Variants in ZNF710 observed in about 807,000 individuals in gnomAD.
The protein encoded by ZNF710 is zinc finger protein 710.
ZNF710 carries 13 observed loss-of-function variants against 50.6 expected under a neutral mutation model. The ratio of observed to expected loss-of-function variants is 0.26; its 90% CI spans 0.17 to 0.41. The LOEUF (loss-of-function observed/expected upper bound fraction) is 0.41. ZNF710 is among the 10% of genes least tolerant of loss of function. ZNF710 has a pLI of 1.00. For missense variants in ZNF710, 721 were observed against 936.6 expected (o/e 0.77, Z 3.01); for synonymous variants, 383 against 397.0 (o/e 0.96, Z 0.42).
chr15:90,061,901 T>A (rs552178842), intron 1 of ZNF710, among the ~76,000 whole-genome samples: 33 of 152,258 alleles, frequency 2.2e-4, no homozygotes, highest in Non-Finnish European at 4.0e-4. Flanking sequence ...GGCAAAGCCG[T>A]AGGTGAAGTC....
At chr15:90,041,892 ATTTTTTTTTT>A (rs71151548) in intron 1 of ZNF710, among the ~76,000 whole-genome samples, 3 of 110,566 alleles carry the variant, frequency 2.7e-5, no homozygotes, top group African/African-American at 1.0e-4. Flanking sequence ...TTTGTTTTTG[ATTTTTTTTTT>A]TTTTTTTTTT....
At position 90,067,088 on chromosome 15, in the gene ZNF710, A is replaced by G; in HGVS notation, c.-28-22A>G. ...GTGCAGGAGTGAGCCAGCAATATTA[A>G]CCTTCCCTTCTCCACCCACAGCGAT... On this transcript the variant is annotated intron_variant, in intron 1 of 4. Transcript: ENST00000268154. The surrounding 1 kb of genome is among the most constrained non-coding windows in gnomAD (Gnocchi z 8.1). 6.5e-7 allele frequency: 1 copy of G among 1,539,844 alleles called. No homozygotes were observed. The highest frequency in any genetic ancestry group is 8.7e-7 in the Non-Finnish European group (1 of 1,143,422).
intron 1 of ZNF710, among the ~76,000 whole-genome samples, chr15:90,007,378 C>T (rs568488343): frequency 3.3e-5 from 5 of 152,130 alleles, no homozygotes; most frequent in East Asian, 3.9e-4. Flanking sequence ...GAAGACCAGA[C>T]GGTTGAAATC....
chr15:90,030,672 C>T (rs1325123195), intron 1 of ZNF710, among the ~76,000 whole-genome samples: 1 of 151,580 alleles, frequency 6.6e-6, no homozygotes, highest in Non-Finnish European at 1.5e-5. Context: ...CACATATGCC[C>T]AGTAGGAAAG....
chr15:90,009,359 C>T (rs922761551), intron 1 of ZNF710, among the ~76,000 whole-genome samples: 6 of 152,058 alleles, frequency 3.9e-5, no homozygotes, highest in Non-Finnish European at 7.4e-5. Flanking sequence ...GTCCGATCCT[C>T]GGGCCCTGGG....
intron 1 of ZNF710, among the ~76,000 whole-genome samples, chr15:90,003,260 T>C (rs1415356037): frequency 6.6e-6 from 1 of 152,192 alleles, no homozygotes; most frequent in Non-Finnish European, 1.5e-5. Flanking sequence ...AGTGCCCACC[T>C]GCAAAGGGCA....
intron 1 of ZNF710, among the ~76,000 whole-genome samples, chr15:90,057,099 C>T (rs1419796155): frequency 6.6e-6 from 1 of 152,116 alleles, no homozygotes; most frequent in Non-Finnish European, 1.5e-5. Context: ...TTTGTGTGTT[C>T]TTTGCACATC....
In ZNF710 at chr15:90,062,836, G is replaced by GCA. The variant is rs1404365506; in HGVS notation, c.-28-4273_-28-4272insAC. 4.4e-4 allele frequency among the ~76,000 whole-genome samples: 67 copies of GCA among 152,146 alleles called. No homozygotes were observed. Among genetic ancestry groups the GCA allele is most frequent in the African/African-American group, 1.5e-3 (63 of 41,498 alleles). On this transcript the variant is annotated intron_variant, in intron 1 of 4. Transcript: ENST00000268154. This position sits in a 1 kb window ranked among gnomAD's most constrained non-coding sequence, Gnocchi z 5.6. Reference sequence around the variant, plus strand: ...CAGAGCCCCTTCTGCATACACACACGCGCGCACGCGCACACACACACAGCC... The same window carrying GCA: ...CAGAGCCCCTTCTGCATACACACACGCACGCGCACGCGCACACACACACAGCC...
chr15:90,066,869 G>A (rs1284917909), intron 1 of ZNF710, among the ~76,000 whole-genome samples: 1 of 152,146 alleles, frequency 6.6e-6, no homozygotes, highest in Non-Finnish European at 1.5e-5. Context: ...GAAGACTGAG[G>A]CCAGCAAGGG....
chr15:90,074,843 C>T (rs1482243373), intron 4 of ZNF710: 3 of 293,912 alleles, frequency 1.0e-5, no homozygotes, highest in African/African-American at 2.3e-5. Context: ...AAGGGACATG[C>T]AGAGGGGAGA....
chr15:90,053,142 A>C (rs559089863), intron 1 of ZNF710, among the ~76,000 whole-genome samples: 1 of 152,304 alleles, frequency 6.6e-6, no homozygotes, highest in South Asian at 2.1e-4. Context: ...ACTCAGAGGC[A>C]ATTTAGAAAC....
intron 2 of ZNF710, among the ~76,000 whole-genome samples, chr15:90,070,357 T>A (rs537028900): frequency 6.6e-6 from 1 of 151,382 alleles, no homozygotes; most frequent in South Asian, 2.1e-4. Flanking sequence ...CAAGACATTT[T>A]TTTTTTTTTA....
At chr15:90,038,744 A>T (rs1300003140) in intron 1 of ZNF710, among the ~76,000 whole-genome samples, 1 of 73,918 alleles carries the variant, frequency 1.4e-5, no homozygotes, top group Non-Finnish European at 2.3e-5. Flanking sequence ...TGTGTGTGAG[A>T]CATTGGCTTT....
At chr15:90,000,865 G>A (rs992178128), upstream of ZNF710, among the ~76,000 whole-genome samples, 6 of 152,098 alleles carry the variant, frequency 3.9e-5, no homozygotes, top group African/African-American at 1.4e-4. Flanking sequence ...CCTTGGGGGG[G>A]GCGGGGCGCA....
chr15:90,075,136 C>CTCA (rs1900550195), intron 4 of ZNF710: 1 of 153,242 alleles, frequency 6.5e-6, no homozygotes, highest in Admixed American at 6.5e-5. Context: ...CCTCTCTGGC[C>CTCA]TCATGGTGGG....
In ZNF710 at chr15:90,068,091, C is replaced by T. The variant is rs141277401; in HGVS notation, c.954C>T (p.Asn318=). The change falls in exon 2 of 5, where the codon AAC becomes AAT. Residue 318 remains asparagine (N), a synonymous_variant. Transcript: ENST00000268154. The surrounding 1 kb of genome is among the most constrained non-coding windows in gnomAD (Gnocchi z 5.0). ...TGGTGACGCACATCCTGGGCCACAA[C>T]GGCATCAAGCCACACTCGTGCCCAC... ...YNLVTHILGH[N]GIKPHSCPHC... 3.5e-5 allele frequency: 56 copies of T among 1,614,152 alleles called. No homozygotes were observed. The highest frequency in any genetic ancestry group is 3.2e-4 in the African/African-American group (24 of 74,962).
intron 1 of ZNF710, among the ~76,000 whole-genome samples, chr15:90,036,862 C>G (rs968876644): frequency 2.6e-5 from 4 of 152,234 alleles, no homozygotes; most frequent in Non-Finnish European, 4.4e-5. Context: ...GTGACCCCAT[C>G]TCCAGCCACT....
chr15:90,077,150 C>G (rs1292663586), intron 4 of ZNF710, among the ~76,000 whole-genome samples: 1 of 151,476 alleles, frequency 6.6e-6, no homozygotes, highest in Non-Finnish European at 1.5e-5. Context: ...ACAGACTATT[C>G]TCTGGGGCCC....
At chr15:90,036,995 T>C (rs1899148705) in intron 1 of ZNF710, among the ~76,000 whole-genome samples, 2 of 151,984 alleles carry the variant, frequency 1.3e-5, no homozygotes, top group Non-Finnish European at 1.5e-5. Flanking sequence ...AGCAGGAGAA[T>C]AGCACAAGCA....
Sources: gnomAD v4.1 joint callset for allele counts (sites outside exome capture counted in the v4.1 genomes callset) on GRCh38, gnomAD v4.1.1 for gene constraint, Gnocchi (gnomAD v3.1) non-coding constraint, MANE v1.5 for transcripts, NCBI Gene and HGNC (gene_info 2026-07-23, HGNC 2026-07-21) for gene names.